CNGB1: variants seen among roughly 807,000 people sequenced by gnomAD.
CNGB1 encodes cyclic nucleotide-gated channel beta-1.
CNGB1 carries 126 observed loss-of-function variants against 151.7 expected under a neutral mutation model. The observed-to-expected ratio is 0.83, with a 90% CI of 0.72 to 0.96. The LOEUF is 0.96. CNGB1 is among the 40% of genes least tolerant of loss of function. The pLI is 0.00. For synonymous variants in CNGB1, 623 were observed against 635.1 expected (o/e 0.98, Z 0.29); for missense variants, 1,698 against 1,627.0 (o/e 1.04, Z -0.75).
chr16:57,940,254 G>T lies in CNGB1; in HGVS notation c.1189C>A (p.Pro397Thr), dbSNP rs61742504. 8.9e-6 allele frequency: 14 copies of T among 1,572,604 alleles called. No individual in the cohort carries two copies. In the African/African-American group the frequency reaches 1.5e-4, roughly 17 times the overall value. ...CATACCTGATCTGAAGTGCTCTGGG[G>T]CCGGGTCCCGTCTTCTTCACTCTGG... is the stretch of plus-strand genomic sequence containing the variant. ...VGQSEEDGTRPQSTSDQKLWE... is the reference protein window; with the variant it reads ...VGQSEEDGTRTQSTSDQKLWE... The change falls in exon 15 of 33, where the codon CCC (proline) becomes ACC (threonine). Residue 397 changes from proline to threonine, a missense_variant. Coordinates refer to ENST00000251102, the MANE Select transcript of CNGB1 (RefSeq NM_001297.5).
chr16:57,944,010 C>T (rs1961738156), intron 14 of CNGB1, among the ~76,000 whole-genome samples: 1 of 152,010 alleles, frequency 6.6e-6, no homozygotes, highest in African/African-American at 2.4e-5. Context: ...GCCTCAGCCT[C>T]CCGAGTAGCT....
At position 57,897,915 on chromosome 16, in the gene CNGB1, CT is replaced by C. The variant is rs750373166; in HGVS notation, c.2977-2del. 4 of 1,614,074 alleles carry C rather than the reference CT, an allele frequency of 2.5e-6. No individual in the cohort carries two copies. In the African/African-American group the frequency reaches 4.0e-5, roughly 16 times the overall value. On this transcript the variant is annotated splice_acceptor_variant, in intron 29 of 32. Coordinates refer to ENST00000251102, the MANE Select transcript of CNGB1 (RefSeq NM_001297.5). LOFTEE classifies it high-confidence loss of function. ...TGTACATCTCACGGCCGATCTCCCCCTGAAACAAAGAAGTGACAAGTCCCTC... is the reference window on the plus strand; with the variant it reads ...TGTACATCTCACGGCCGATCTCCCCCGAAACAAAGAAGTGACAAGTCCCTC...
chr16:57,956,982 G>A (rs1245445114), intron 12 of CNGB1, among the ~76,000 whole-genome samples: 1 of 152,144 alleles, frequency 6.6e-6, no homozygotes, highest in Admixed American at 6.5e-5. Context: ...CCTTCAGCTT[G>A]GCCAAACCCA....
At chr16:57,954,083 A>G (rs559004239) in intron 12 of CNGB1, among the ~76,000 whole-genome samples, 1 of 152,174 alleles carries the variant, frequency 6.6e-6, no homozygotes, top group South Asian at 2.1e-4. Flanking sequence ...ATCACCTTCA[A>G]TGGCTCCCCA....
chr16:57,957,103 G>A (rs1238200900), intron 12 of CNGB1, among the ~76,000 whole-genome samples: 1 of 152,124 alleles, frequency 6.6e-6, no homozygotes, highest in African/African-American at 2.4e-5. Flanking sequence ...CTGGGCTCCG[G>A]GGGCCTCCAA....
intron 24 of CNGB1, 43 bp from the exon 25 acceptor site, chr16:57,911,918 G>A (rs1190167062): frequency 6.2e-7 from 1 of 1,609,352 alleles, no homozygotes; most frequent in Middle Eastern, 1.7e-4. Flanking sequence ...GCGGAAGGGG[G>A]AGGTGAGGTA....
intron 25 of CNGB1, among the ~76,000 whole-genome samples, chr16:57,907,750 C>T (rs959232529): frequency 2.0e-5 from 3 of 152,130 alleles, no homozygotes; most frequent in Non-Finnish European, 4.4e-5. Flanking sequence ...TTAGCCAGGG[C>T]TCAGGAGCAG....
intron 12 of CNGB1, chr16:57,954,821 G>A (rs932345158): frequency 1.4e-5 from 14 of 989,930 alleles, no homozygotes; most frequent in Middle Eastern, 5.1e-4. Flanking sequence ...AGGTGCTGAC[G>A]GTGCCAGGTA....
intron 31 of CNGB1, among the ~76,000 whole-genome samples, chr16:57,896,713 AAAAT>A (rs3038249): frequency 0.36 from 49,559 of 136,768 alleles, 9,081 homozygotes; most frequent in African/African-American, 0.44. Flanking sequence ...ACTCTGTCTC[AAAAT>A]AAATAAATAA....
Position 57,962,605 on chromosome 16 carries a change from T to G in CNGB1, c.418A>C (p.Thr140Pro). 6.2e-7 allele frequency: 1 copy of G among 1,613,898 alleles called. No homozygotes were observed. Among genetic ancestry groups the G allele is most frequent in the East Asian group, 2.2e-5 (1 of 44,886 alleles). The change falls in exon 7 of 33, where the codon ACA becomes CCA. Residue 140 changes from threonine (T) to proline (P), a missense_variant. Transcript: ENST00000251102. ...GHGSTGDTGC[T>P]DEPNEALEAQ... ...TCAAGGGCCTCATTGGGTTCATCTGTGCACCCTGCAGGGTCAGAAAATACA... is the reference window on the plus strand; with the variant it reads ...TCAAGGGCCTCATTGGGTTCATCTGGGCACCCTGCAGGGTCAGAAAATACA...
At chr16:57,933,879 C>A (rs547302729) in intron 16 of CNGB1, among the ~76,000 whole-genome samples, 3 of 151,898 alleles carry the variant, frequency 2.0e-5, no homozygotes, top group Admixed American at 2.0e-4. Context: ...CCTGCCACCA[C>A]GCCTGGCTAA....
intron 31 of CNGB1, among the ~76,000 whole-genome samples, chr16:57,893,251 AG>A (rs1358209198): frequency 6.6e-6 from 1 of 152,170 alleles, no homozygotes; most frequent in Admixed American, 6.5e-5. Context: ...ATGGCTACAG[AG>A]GAACAATTGC....
rs770011113 is a variant in CNGB1 at position 57,903,821 on chromosome 16, C to G, written c.2794+1G>C. 6.2e-7 allele frequency: 1 copy of G among 1,613,960 alleles called. No homozygotes were observed. Among genetic ancestry groups the G allele is most frequent in the African/African-American group, 1.3e-5 (1 of 74,934 alleles). Reference sequence around the variant, plus strand: ...TGGCTGCCAGGGCGTGACCATCTTACCCAGCATGCCTTGCGAGTGCCAGGT... The same window carrying G: ...TGGCTGCCAGGGCGTGACCATCTTAGCCAGCATGCCTTGCGAGTGCCAGGT... On this transcript the variant is annotated splice_donor_variant, in intron 27 of 32. Transcript: ENST00000251102. LOFTEE classifies it high-confidence loss of function.
At chr16:57,960,621 C>T (rs773110413) in intron 8 of CNGB1, 91 bp from the exon 9 acceptor site, 22 of 1,523,586 alleles carry the variant, frequency 1.4e-5, no homozygotes, top group East Asian at 2.4e-5. Flanking sequence ...TGGCCCAAGG[C>T]GGGTGAGCCG....
intron 14 of CNGB1, among the ~76,000 whole-genome samples, chr16:57,945,328 T>C (rs966004564): frequency 5.3e-5 from 8 of 152,236 alleles, no homozygotes; most frequent in African/African-American, 1.9e-4. Context: ...CTGAAATAGA[T>C]ACAGGTTCTG....
At chr16:57,895,368 C>T (rs374919636) in intron 31 of CNGB1, among the ~76,000 whole-genome samples, 273 of 151,676 alleles carry the variant, frequency 1.8e-3, no homozygotes, top group African/African-American at 6.4e-3. Flanking sequence ...CGCCACTGCA[C>T]TCCAGCCTGG....
Position 57,950,469 on chromosome 16 carries a change from C to A in CNGB1, c.946G>T (p.Ala316Ser), listed in dbSNP as rs1184089383. ...GGGCTGGTACTGACATCCTGGTGGG[C>A]ATCCTCCCAGGGCGGTTCAACCTCC... The part of the protein sequence containing the change: ...LEEVEPPWED[A>S]HQDVSTSPQG... Residue 316 changes from alanine to serine, a missense_variant, in exon 13 of 33, where the codon GCC (alanine) becomes TCC (serine). Physicochemically the swap from Ala to Ser is moderately conservative, Grantham distance 99 (BLOSUM62 1). Transcript: ENST00000251102. 1.9e-5 allele frequency: 31 copies of A among 1,614,100 alleles called. No homozygotes were observed. Among genetic ancestry groups the A allele is most frequent in the Non-Finnish European group, 2.5e-5 (30 of 1,180,022 alleles).
In CNGB1 at chr16:57,884,289, C is replaced by T. The variant is rs868830996; in HGVS notation, c.3631G>A (p.Glu1211Lys). The change falls in exon 33 of 33, where the codon GAG becomes AAG. Residue 1211 changes from glutamate to lysine, a missense_variant. Physicochemically the swap from Glu to Lys is moderately conservative, Grantham distance 56. Transcript: ENST00000251102. ...PPASLGRPEG[E>K]EEGPAEPEEH... ...TCGGGCTCGGCCGGCCCCTCCTCCT[C>T]TCCCTCCGGCCTCCCAAGGGAGGCA... is the stretch of plus-strand genomic sequence containing the variant. 6.2e-7 allele frequency: 1 copy of T among 1,613,238 alleles called. No homozygotes were observed. The highest frequency in any genetic ancestry group is 8.5e-7 in the Non-Finnish European group (1 of 1,179,818).
chr16:57,949,145 T>G, intron 14 of CNGB1, among the ~76,000 whole-genome samples: 1 of 151,174 alleles, frequency 6.6e-6, no homozygotes. Context: ...GGGGGGGATG[T>G]GGAGTGGTGG....
Sources: gnomAD v4.1 joint callset for allele counts (sites outside exome capture counted in the v4.1 genomes callset) on GRCh38, gnomAD v4.1.1 for gene constraint, MANE v1.5 for transcripts, NCBI Gene and HGNC (gene_info 2026-07-23, HGNC 2026-07-21) for gene names.